Variants in PLD5 observed in about 807,000 individuals in gnomAD.
PLD5 encodes the protein inactive phospholipase D5.
Under a neutral mutation model 61.1 loss-of-function variants are expected in PLD5, and 36 were observed. The observed-to-expected ratio is 0.59, with a 90% CI of 0.45 to 0.78. The LOEUF is 0.78. Among genes scored for constraint, PLD5 ranks in the 30% least tolerant of loss-of-function variants. The pLI is 0.00. For missense variants in PLD5, 515 were observed against 644.4 expected (o/e 0.80, Z 2.17); for synonymous variants, 243 against 242.8 (o/e 1.00, Z -0.01).
chr1:242,415,462 A>ATT (rs1342780694), intron 1 of PLD5, among the ~76,000 whole-genome samples: 1 of 152,050 alleles, frequency 6.6e-6, no homozygotes, highest in Non-Finnish European at 1.5e-5. Flanking sequence ...AACATCAGTC[A>ATT]ACAATTGCAA....
chr1:242,111,159 C>T lies in PLD5; in HGVS notation c.1070+2731G>A, dbSNP rs530697924. ...GCAACCTTGGCTGTCGAGGTTCAAGCGATTCTCCTGTCTCAGCCTCCCGAG... is the reference window on the plus strand; with the variant it reads ...GCAACCTTGGCTGTCGAGGTTCAAGTGATTCTCCTGTCTCAGCCTCCCGAG... On this transcript the variant is annotated intron_variant, in intron 7 of 9. Transcript: ENST00000536534. Among the ~76,000 whole-genome samples the T allele has an allele frequency of 9.2e-5, 14 of 151,646 alleles. 1 individual carries two copies. In the South Asian group the frequency reaches 1.9e-3, roughly 20 times the overall value.
intron 2 of PLD5, among the ~76,000 whole-genome samples, chr1:242,307,882 C>A (rs1304198358): frequency 1.3e-5 from 2 of 152,140 alleles, no homozygotes; most frequent in African/African-American, 4.8e-5. Context: ...TCAATTTTCA[C>A]CAGGAGCTGT....
chr1:242,419,467 C>G (rs10926731), intron 1 of PLD5, among the ~76,000 whole-genome samples: 2,173 of 149,422 alleles, frequency 0.015, 57 homozygotes, highest in African/African-American at 0.051. Flanking sequence ...GCGATCTCAG[C>G]TCATGGCAAC....
rs968089961 is a variant in PLD5, at chr1:242,400,572, T to C, written c.190-52330A>G. ...ATATACCAAGTCTATTTTGTATTTA[T>C]ACACAAAAGCCTCTTGCCATCCCAT... On this transcript the variant is annotated intron_variant, in intron 1 of 9. Coordinates refer to ENST00000536534, the MANE Select transcript of PLD5 (RefSeq NM_001372062.1). Among the ~76,000 whole-genome samples the C allele has an allele frequency of 7.9e-5, 12 of 152,198 alleles. 1 individual carries two copies. The highest frequency in any genetic ancestry group is 7.2e-4 in the Admixed American group (11 of 15,278).
At chr1:242,328,122 G>C (rs1208517230) in intron 2 of PLD5, among the ~76,000 whole-genome samples, 2 of 152,064 alleles carry the variant, frequency 1.3e-5, no homozygotes. Context: ...AAGGAATAAA[G>C]ATGTAACTAA....
intron 4 of PLD5, among the ~76,000 whole-genome samples, chr1:242,248,105 T>C (rs1672492825): frequency 6.6e-6 from 1 of 152,246 alleles, no homozygotes; most frequent in Non-Finnish European, 1.5e-5. Flanking sequence ...CTCATGGTTA[T>C]ATGGTTATTA....
intron 2 of PLD5, among the ~76,000 whole-genome samples, chr1:242,291,220 T>G (rs1457794702): frequency 2.6e-5 from 4 of 152,118 alleles, no homozygotes; most frequent in African/African-American, 4.8e-5. Context: ...TCACTTCTCC[T>G]GATTGGCTTC....
At chr1:242,208,071 G>T (rs571358541) in intron 5 of PLD5, among the ~76,000 whole-genome samples, 1 of 145,848 alleles carries the variant, frequency 6.9e-6, no homozygotes, top group East Asian at 2.0e-4. Context: ...ACCCAGGCTG[G>T]TGTGCAGTGG....
chr1:242,293,103 C>T lies in PLD5; in HGVS notation c.327-4573G>A, dbSNP rs142063419. Among the ~76,000 whole-genome samples the T allele has an allele frequency of 1.9e-3, 293 of 152,120 alleles. 1 individual carries two copies. Among genetic ancestry groups the T allele is most frequent in the African/African-American group, 6.5e-3 (268 of 41,480 alleles). ...AGATTTTATTTTCCTTAGTGATTGA[C>T]GCTTTAGAAGTGGGTAAGATGATCA... is the stretch of plus-strand genomic sequence containing the variant. On this transcript the variant is annotated intron_variant, in intron 2 of 9. Transcript: ENST00000536534.
intron 5 of PLD5, among the ~76,000 whole-genome samples, chr1:242,173,032 T>C (rs1163583577): frequency 2.0e-5 from 3 of 152,022 alleles, no homozygotes; most frequent in African/African-American, 2.4e-5. Flanking sequence ...CTATTCAACA[T>C]AGTGTTGGAA....
At chr1:242,197,315 T>C (rs1376592999) in intron 5 of PLD5, among the ~76,000 whole-genome samples, 1 of 152,212 alleles carries the variant, frequency 6.6e-6, no homozygotes, top group Non-Finnish European at 1.5e-5. Context: ...TCCTGACAGC[T>C]GTCTCCTTTC....
At chr1:242,405,895 C>A (rs1289994924) in intron 1 of PLD5, among the ~76,000 whole-genome samples, 3 of 150,564 alleles carry the variant, frequency 2.0e-5, no homozygotes, top group East Asian at 2.0e-4. Flanking sequence ...AGCCACTGAG[C>A]CTGGCCCTAT....
At chr1:242,167,328 T>C (rs1227870119) in intron 5 of PLD5, among the ~76,000 whole-genome samples, 1 of 152,150 alleles carries the variant, frequency 6.6e-6, no homozygotes, top group African/African-American at 2.4e-5. Context: ...CTCACAATCA[T>C]GGCAGGGAGT....
chr1:242,435,426 C>T (rs1436800766), intron 1 of PLD5, among the ~76,000 whole-genome samples: 1 of 149,318 alleles, frequency 6.7e-6, no homozygotes, highest in East Asian at 1.9e-4. Flanking sequence ...GGTAATTATA[C>T]TGTTTAAAAT....
At chr1:242,285,534 G>A (rs537368015) in intron 3 of PLD5, among the ~76,000 whole-genome samples, 2 of 151,734 alleles carry the variant, frequency 1.3e-5, no homozygotes, top group African/African-American at 4.8e-5. Context: ...AGCCATGTGG[G>A]ATTGGGTCAT....
At chr1:242,282,296 G>A (rs1451051090) in intron 3 of PLD5, among the ~76,000 whole-genome samples, 3 of 152,068 alleles carry the variant, frequency 2.0e-5, no homozygotes, top group African/African-American at 7.2e-5. Context: ...CCTCTTGCCC[G>A]AGGTTGCACA....
chr1:242,462,749 C>T (rs896627458), intron 1 of PLD5, among the ~76,000 whole-genome samples: 1 of 152,138 alleles, frequency 6.6e-6, no homozygotes, highest in African/African-American at 2.4e-5. Flanking sequence ...GATAACCTCA[C>T]TGTTCCTCAC....
chr1:242,225,716 C>T (rs1275180666), intron 4 of PLD5, among the ~76,000 whole-genome samples: 3 of 152,224 alleles, frequency 2.0e-5, no homozygotes, highest in Admixed American at 6.5e-5. Context: ...GTTTGTTTCT[C>T]TTTGCTGTTA....
At chr1:242,334,764 C>T (rs918661079) in intron 2 of PLD5, among the ~76,000 whole-genome samples, 1 of 152,188 alleles carries the variant, frequency 6.6e-6, no homozygotes, top group African/African-American at 2.4e-5. Context: ...GAAACGAGGA[C>T]TGCCATGAAT....
Sources: gnomAD v4.1 joint callset for allele counts (sites outside exome capture counted in the v4.1 genomes callset) on GRCh38, gnomAD v4.1.1 for gene constraint, MANE v1.5 for transcripts, NCBI Gene and HGNC (gene_info 2026-07-23, HGNC 2026-07-21) for gene names.